The following THADA variants were observed in gnomAD, a reference collection of about 807,000 sequenced individuals.
THADA encodes THADA armadillo repeat containing.
In THADA, 213 loss-of-function variants were observed where a neutral mutation model predicts 219.8. The ratio of observed to expected loss-of-function variants is 0.97; its 90% CI spans 0.87 to 1.09. THADA has a LOEUF of 1.09. THADA is among the 50% of genes least tolerant of loss of function. The pLI is 0.00. For synonymous variants in THADA, 1,018 were observed against 828.9 expected (o/e 1.23, Z -3.92); for missense variants, 2,956 against 2,311.3 (o/e 1.28, Z -5.72).
intron 25 of THADA, among the ~76,000 whole-genome samples, chr2:43,487,474 G>A (rs1687050164): frequency 1.3e-5 from 2 of 152,184 alleles, no homozygotes; most frequent in Admixed American, 6.5e-5. Flanking sequence ...AAACTCCTTT[G>A]ATTCAATAGA....
chr2:43,530,862 T>C (rs1558919978), intron 21 of THADA, among the ~76,000 whole-genome samples: 1 of 150,110 alleles, frequency 6.7e-6, no homozygotes, highest in Non-Finnish European at 1.5e-5. Context: ...ACCCTAGGTA[T>C]TCCTGGGCAC....
At chr2:43,403,700 C>T (rs954017590) in intron 28 of THADA, among the ~76,000 whole-genome samples, 5 of 152,174 alleles carry the variant, frequency 3.3e-5, no homozygotes, top group African/African-American at 1.2e-4. Context: ...AACAGAGGCC[C>T]CAAACTTCTG....
intron 26 of THADA, among the ~76,000 whole-genome samples, chr2:43,449,151 T>C (rs1681983366): frequency 6.6e-6 from 1 of 151,920 alleles, no homozygotes; most frequent in Non-Finnish European, 1.5e-5. Context: ...AACATAAAAA[T>C]ACCTACCACT....
chr2:43,332,172 A>G (rs896506189), intron 30 of THADA, among the ~76,000 whole-genome samples: 3 of 152,162 alleles, frequency 2.0e-5, no homozygotes, highest in Non-Finnish European at 4.4e-5. Flanking sequence ...TGCAACCTCC[A>G]ACTCCCAGGT....
chr2:43,400,239 T>C (rs12104876), intron 28 of THADA, among the ~76,000 whole-genome samples: 37,287 of 151,752 alleles, frequency 0.25, 4,756 homozygotes, highest in South Asian at 0.33. Context: ...AAAGTGCCAG[T>C]ATTTTCTGCT....
At position 43,383,621 on chromosome 2, in the gene THADA, G is replaced by A. The variant is rs147615391; in HGVS notation, c.4227+14350C>T. 6.3e-3 allele frequency among the ~76,000 whole-genome samples: 959 copies of A among 152,264 alleles called. 6 individuals are homozygous for A. Among genetic ancestry groups the A allele is most frequent in the Non-Finnish European group, 9.9e-3 (671 of 68,016 alleles). On this transcript the variant is annotated intron_variant, in intron 29 of 37. Coordinates refer to ENST00000405975, the MANE Select transcript of THADA (RefSeq NM_022065.5). ...ACATAATGAACATAGGAGTTTAACT[G>A]GGGATCTTGTGAAAATGCAGATTCT...
intron 25 of THADA, among the ~76,000 whole-genome samples, chr2:43,497,165 G>C (rs889488683): frequency 2.0e-5 from 3 of 152,142 alleles, no homozygotes; most frequent in African/African-American, 7.2e-5. Flanking sequence ...AATACCATTT[G>C]ACCCAACAAT....
At chr2:43,404,936 G>A (rs1280359911) in intron 28 of THADA, among the ~76,000 whole-genome samples, 2 of 152,156 alleles carry the variant, frequency 1.3e-5, no homozygotes, top group African/African-American at 4.8e-5. Context: ...ACAGGCAGGT[G>A]GAATAATTTG....
chr2:43,471,901 T>G (rs559556091), intron 26 of THADA, among the ~76,000 whole-genome samples: 43 of 152,346 alleles, frequency 2.8e-4, no homozygotes, highest in African/African-American at 9.6e-4. Context: ...GCACTAAGTC[T>G]GGCATACAGT....
intron 22 of THADA, among the ~76,000 whole-genome samples, chr2:43,520,713 T>TATACACACACAC (rs1218079783): frequency 1.9e-4 from 24 of 125,126 alleles, no homozygotes; most frequent in African/African-American, 6.8e-4. Context: ...TATATATATA[T>TATACACACACAC]ACACACACAC....
chr2:43,397,169 C>T (rs1276402420), intron 29 of THADA, among the ~76,000 whole-genome samples: 1 of 152,182 alleles, frequency 6.6e-6, no homozygotes, highest in Non-Finnish European at 1.5e-5. Context: ...ACACTGCCTG[C>T]CATGTCAGCA....
At chr2:43,490,376 T>C (rs550706360) in intron 25 of THADA, among the ~76,000 whole-genome samples, 83 of 152,322 alleles carry the variant, frequency 5.4e-4, no homozygotes, top group African/African-American at 1.9e-3. Flanking sequence ...CAATGTTGAA[T>C]AGGAGTGACA....
chr2:43,508,820 C>G, intron 22 of THADA, 40 bp from the exon 23 acceptor site: 3 of 1,603,892 alleles, frequency 1.9e-6, no homozygotes, highest in South Asian at 1.1e-5. Flanking sequence ...AATTAGGTAT[C>G]AAAGTTAAAA....
At chr2:43,272,308 C>T (rs1439843467) in intron 36 of THADA, among the ~76,000 whole-genome samples, 2 of 152,114 alleles carry the variant, frequency 1.3e-5, no homozygotes, top group African/African-American at 4.8e-5. Flanking sequence ...AGAGAGAGTT[C>T]TGAGCAGAAG....
intron 29 of THADA, among the ~76,000 whole-genome samples, chr2:43,369,846 C>T (rs1462228024): frequency 6.6e-6 from 1 of 152,198 alleles, no homozygotes; most frequent in African/African-American, 2.4e-5. Context: ...TTTCTACATC[C>T]TCCAGCCATG....
chr2:43,424,470 C>CAT (rs970269922), intron 28 of THADA, among the ~76,000 whole-genome samples: 3 of 152,170 alleles, frequency 2.0e-5, no homozygotes, highest in African/African-American at 4.8e-5. Flanking sequence ...ACCCACTGTG[C>CAT]ATACACCCAT....
Position 43,546,153 on chromosome 2 carries a change from G to C in THADA, c.3106+3057C>G, listed in dbSNP as rs571302814. Among the ~76,000 whole-genome samples, 150 of 151,480 alleles carry C rather than the reference G, an allele frequency of 9.9e-4. 1 individual carries two copies. Among genetic ancestry groups the C allele is most frequent in the Admixed American group, 1.8e-3 (28 of 15,246 alleles). On this transcript the variant is annotated intron_variant, in intron 20 of 37. Transcript: ENST00000405975. Reference sequence around the variant, plus strand: ...TGTACCCAGTAGTCATTCAGGAGCAGGTTGTTCAGTTTCCATGTAGTTGAG... The same window carrying C: ...TGTACCCAGTAGTCATTCAGGAGCACGTTGTTCAGTTTCCATGTAGTTGAG...
intron 24 of THADA, among the ~76,000 whole-genome samples, chr2:43,502,659 T>C (rs1284805892): frequency 6.7e-6 from 1 of 149,398 alleles, no homozygotes; most frequent in Non-Finnish European, 1.5e-5. Flanking sequence ...CATCTTGGGG[T>C]ATAATTTCTG....
intron 26 of THADA, chr2:43,430,665 G>C (rs1277834867): frequency 4.4e-6 from 2 of 457,652 alleles, no homozygotes; most frequent in African/African-American, 2.0e-5. Flanking sequence ...CTCAGCTTCA[G>C]TGATAAGGAC....
Sources: allele counts gnomAD v4.1 joint callset (sites outside exome capture counted in the v4.1 genomes callset), GRCh38; gene constraint gnomAD v4.1.1; transcripts MANE v1.5; gene names NCBI Gene and HGNC (gene_info 2026-07-23, HGNC 2026-07-21).